The following STPG2 variants were observed in gnomAD, a reference collection of about 807,000 sequenced individuals.
STPG2 encodes the protein sperm-tail PG-rich repeat-containing protein 2.
In STPG2, 56 loss-of-function variants were observed where a neutral mutation model predicts 54.2. That is an observed-to-expected ratio of 1.03 (90% CI 0.83 to 1.29). The LOEUF (loss-of-function observed/expected upper bound fraction) is 1.29. Ranked by LOEUF, STPG2 falls within the 50% of genes most tolerant of loss-of-function variation. The pLI is 0.00. For synonymous variants in STPG2, 200 were observed against 181.8 expected (o/e 1.10, Z -0.81); for missense variants, 596 against 544.9 (o/e 1.09, Z -0.93).
chr4:97,920,804 C>T lies in STPG2; in HGVS notation c.1044+23093G>A, dbSNP rs1453164753. 3.3e-5 allele frequency among the ~76,000 whole-genome samples: 5 copies of T among 152,260 alleles called. No homozygotes were observed. The East Asian group carries it at 9.6e-4, about 29-fold the overall frequency. On this transcript the variant is annotated intron_variant, in intron 8 of 10. Transcript: ENST00000295268. Reference sequence around the variant, plus strand: ...GGACTGTGGCAACTATGCATATTAACTTTTTTACCTAGTGTGTGTGTTAAC... The same window carrying T: ...GGACTGTGGCAACTATGCATATTAATTTTTTTACCTAGTGTGTGTGTTAAC...
At chr4:97,981,448 T>A (rs1014238006) in intron 5 of STPG2, 130 bp from the exon 6 acceptor site, 1 of 906,420 alleles carries the variant, frequency 1.1e-6, no homozygotes, top group South Asian at 1.8e-5. Context: ...GAAGAAAATG[T>A]AGATGAACTA....
chr4:97,618,538 T>C (rs1183528498), intron 10 of STPG2, among the ~76,000 whole-genome samples: 3 of 152,134 alleles, frequency 2.0e-5, no homozygotes, highest in Non-Finnish European at 4.4e-5. Flanking sequence ...ATAAAATAGA[T>C]CAGAAAATGA....
rs575094758 is a variant in STPG2, at chr4:97,878,799, C to A, written c.1045-37867G>T. On this transcript the variant is annotated intron_variant, in intron 8 of 10. Coordinates refer to ENST00000295268, the MANE Select transcript of STPG2 (RefSeq NM_174952.3). ...GGCTCCTTATTACTTATGCAAATTT[C>A]TACAGCCAACTCAAATTTCTCCTCA... 9.1e-4 allele frequency among the ~76,000 whole-genome samples: 138 copies of A among 152,328 alleles called. 1 individual carries two copies. Among genetic ancestry groups the A allele is most frequent in the Non-Finnish European group, 1.6e-3 (108 of 68,024 alleles).
At chr4:97,939,555 G>T (rs1368102905) in intron 8 of STPG2, among the ~76,000 whole-genome samples, 1 of 152,152 alleles carries the variant, frequency 6.6e-6, no homozygotes, top group African/African-American at 2.4e-5. Flanking sequence ...ATTATGTAAT[G>T]CCCTTCTTTG....
At chr4:97,650,418 A>G (rs1469124783) in intron 10 of STPG2, among the ~76,000 whole-genome samples, 1 of 152,170 alleles carries the variant, frequency 6.6e-6, no homozygotes, top group African/African-American at 2.4e-5. Context: ...TATACATTTT[A>G]GGGAGGCATG....
intron 4 of STPG2, among the ~76,000 whole-genome samples, chr4:97,476,388 A>G (rs988619179): frequency 6.6e-6 from 1 of 152,114 alleles, no homozygotes; most frequent in Non-Finnish European, 1.5e-5. Flanking sequence ...AGCTTGTTCA[A>G]CTGACTTTGC....
chr4:97,757,307 T>C (rs531860339), intron 9 of STPG2, among the ~76,000 whole-genome samples: 1 of 152,250 alleles, frequency 6.6e-6, no homozygotes, highest in African/African-American at 2.4e-5. Flanking sequence ...GTTAATTAGA[T>C]CACGAGCAGC....
intron 9 of STPG2, among the ~76,000 whole-genome samples, chr4:97,779,142 G>C (rs899524800): frequency 2.6e-5 from 4 of 152,126 alleles, no homozygotes; most frequent in African/African-American, 9.7e-5. Flanking sequence ...CCGAGGTAAA[G>C]GAAGAAAGTC....
intron 7 of STPG2, among the ~76,000 whole-genome samples, chr4:97,968,024 G>A (rs1348052674): frequency 6.6e-6 from 1 of 151,978 alleles, no homozygotes; most frequent in African/African-American, 2.4e-5. Flanking sequence ...CAGAACTGAA[G>A]GAGAGAGAGA....
chr4:98,069,874 T>C (rs2110106515), intron 5 of STPG2, among the ~76,000 whole-genome samples: 1 of 152,088 alleles, frequency 6.6e-6, no homozygotes, highest in East Asian at 1.9e-4. Flanking sequence ...ACATTCCAGG[T>C]TAATAAAGAT....
intron 7 of STPG2, among the ~76,000 whole-genome samples, chr4:97,956,197 G>C (rs1262453372): frequency 6.6e-6 from 1 of 152,106 alleles, no homozygotes; most frequent in Admixed American, 6.5e-5. Context: ...GTCTTATTGA[G>C]AAAGTGGTAA....
At chr4:98,068,255 G>A (rs1266863993) in intron 5 of STPG2, among the ~76,000 whole-genome samples, 5 of 152,048 alleles carry the variant, frequency 3.3e-5, no homozygotes. Flanking sequence ...CTAAAGAAGA[G>A]CTTTCTTTTC....
chr4:97,902,942 T>C (rs566951262), intron 8 of STPG2, among the ~76,000 whole-genome samples: 1 of 152,104 alleles, frequency 6.6e-6, no homozygotes, highest in African/African-American at 2.4e-5. Flanking sequence ...GATATATATA[T>C]TTATATGAAT....
At chr4:97,500,678 G>A (rs1245242198) in intron 4 of STPG2, among the ~76,000 whole-genome samples, 2 of 152,086 alleles carry the variant, frequency 1.3e-5, no homozygotes, top group Non-Finnish European at 1.5e-5. Flanking sequence ...TGGATGTCAA[G>A]AGCAGATGAC....
intron 8 of STPG2, among the ~76,000 whole-genome samples, chr4:97,937,851 T>C (rs10029372): frequency 0.39 from 59,999 of 151,966 alleles, 12,019 homozygotes; most frequent in Middle Eastern, 0.46. Flanking sequence ...TGGGGGCTGC[T>C]GCACAACTGG....
At chr4:98,023,291 C>T (rs1234571209) in intron 5 of STPG2, among the ~76,000 whole-genome samples, 3 of 152,180 alleles carry the variant, frequency 2.0e-5, no homozygotes, top group African/African-American at 7.2e-5. Flanking sequence ...ACTCCAGACC[C>T]TGTTTGCCTG....
chr4:97,474,134 T>C (rs1730014147), intron 4 of STPG2, among the ~76,000 whole-genome samples: 1 of 152,156 alleles, frequency 6.6e-6, no homozygotes, highest in African/African-American at 2.4e-5. Flanking sequence ...ATAACAAATG[T>C]ACTACTATGG....
intron 5 of STPG2, among the ~76,000 whole-genome samples, chr4:98,067,605 T>C (rs1327108378): frequency 6.6e-6 from 1 of 152,178 alleles, no homozygotes; most frequent in Non-Finnish European, 1.5e-5. Flanking sequence ...GCAATATCAA[T>C]ATGAAAAATA....
chr4:97,728,115 A>G (rs1449622870), intron 9 of STPG2, among the ~76,000 whole-genome samples: 1 of 152,034 alleles, frequency 6.6e-6, no homozygotes, highest in African/African-American at 2.4e-5. Flanking sequence ...TAAAGTATGA[A>G]CCAAAGAATT....
Sources: allele counts gnomAD v4.1 joint callset (sites outside exome capture counted in the v4.1 genomes callset), GRCh38; gene constraint gnomAD v4.1.1; transcripts MANE v1.5; gene names NCBI Gene and HGNC (gene_info 2026-07-23, HGNC 2026-07-21).